The following EFR3B variants were observed in gnomAD, a reference collection of about 807,000 sequenced individuals.
The protein encoded by EFR3B is protein EFR3 homolog B.
In EFR3B, 64 loss-of-function variants were observed where a neutral mutation model predicts 104.7. The observed-to-expected ratio is 0.61, with a 90% confidence interval of 0.50 to 0.75. The LOEUF (loss-of-function observed/expected upper bound fraction) is 0.75. Ranked by LOEUF, EFR3B falls within the 30% of genes least tolerant of loss-of-function variation. EFR3B has a pLI of 0.00. For synonymous variants in EFR3B, 385 were observed against 417.9 expected, an observed-to-expected ratio of 0.92 and a Z score of 0.96; for missense variants, 750 against 1,078.5, an observed-to-expected ratio of 0.70 and a Z score of 4.27.
rs1670435581 is a variant in EFR3B at position 25,133,396 on chromosome 2, C to T, written c.1273C>T (p.Arg425Cys). The T allele has an allele frequency of 1.3e-6, 2 of 1,552,320 alleles. No individual in the cohort carries two copies. The highest frequency in any genetic ancestry group is 1.7e-6 in the Non-Finnish European group (2 of 1,147,132). Reference protein sequence around the residue: ...DTGRTGENRNRLTQIMLLKSL... With the variant: ...DTGRTGENRNCLTQIMLLKSL... ...TCTGGTCTACAGGGAGAATAGGAACCGTCTGACCCAGATTATGCTGCTAAA... is the reference window on the plus strand; with the variant it reads ...TCTGGTCTACAGGGAGAATAGGAACTGTCTGACCCAGATTATGCTGCTAAA... Residue 425 changes from arginine (R) to cysteine (C), a missense_variant, in exon 12 of 23, where the codon CGT becomes TGT. Transcript: ENST00000403714.
In EFR3B at chr2:25,139,302, G is replaced by A; in HGVS notation, c.1854+112G>A. ...ACCTACACTTAGGCAGTGAAGACAG[G>A]GTTGAAGTAAGAACCACTAATGGTG... is the stretch of plus-strand genomic sequence containing the variant. On this transcript the variant is annotated intron_variant, in intron 16 of 22. Coordinates refer to ENST00000403714, the MANE Select transcript of EFR3B (RefSeq NM_014971.2). The A allele has an allele frequency of 3.8e-6, 5 of 1,314,792 alleles. No homozygotes were observed. In the South Asian group the frequency reaches 7.9e-5, roughly 21 times the overall value. 81.4% of individuals were successfully genotyped at this position (1,314,792 alleles called of 1,614,324 possible). A position where few individuals can be genotyped will look rare whatever the true frequency, so the allele number is the denominator to read the frequency against.
intron 5 of EFR3B, among the ~76,000 whole-genome samples, chr2:25,125,080 T>G (rs1182952378): frequency 6.6e-6 from 1 of 152,052 alleles, no homozygotes; most frequent in Non-Finnish European, 1.5e-5. Flanking sequence ...AATAAATGAA[T>G]AGGAAGAGTA....
chr2:25,094,784 C>T (rs2438679), intron 3 of EFR3B, among the ~76,000 whole-genome samples: 76,263 of 151,120 alleles, frequency 0.5, 19,765 homozygotes, highest in East Asian at 0.79. Flanking sequence ...TTATTATTTA[C>T]TTATTTATTA....
chr2:25,091,341 T>C lies in EFR3B; in HGVS notation c.24T>C (p.Cys8=), dbSNP rs536328875. Residue 8 remains cysteine (C), a synonymous_variant, in exon 2 of 23, where the codon TGT becomes TGC. Transcript: ENST00000403714. ...TTATTCCAGGTGTGTGTGGCTGCTG[T>C]GGTGCCCTACGCCCCAGGTACAAAA... is the stretch of plus-strand genomic sequence containing the variant. MYGVCGC[C]GALRPRYKRL... 1.3e-6 allele frequency: 2 copies of C among 1,550,370 alleles called. No homozygotes were observed. The highest frequency in any genetic ancestry group is 1.2e-5 in the South Asian group (1 of 83,936).
chr2:25,117,015 C>T (rs903623978), intron 4 of EFR3B, among the ~76,000 whole-genome samples: 1 of 152,166 alleles, frequency 6.6e-6, no homozygotes, highest in Non-Finnish European at 1.5e-5. Context: ...AGCAGCTGCA[C>T]TGGCTGTGTG....
intron 1 of EFR3B, among the ~76,000 whole-genome samples, chr2:25,087,030 T>C (rs1668970260): frequency 6.6e-6 from 1 of 152,240 alleles, no homozygotes; most frequent in Admixed American, 6.5e-5. Context: ...CAGTTCAGCA[T>C]GGCTGGGGAG....
At chr2:25,110,542 G>C (rs910615064) in intron 4 of EFR3B, among the ~76,000 whole-genome samples, 1 of 152,008 alleles carries the variant, frequency 6.6e-6, no homozygotes, top group Admixed American at 6.6e-5. Context: ...CTCTCCAAAG[G>C]GTTCCCAGCC....
intron 6 of EFR3B, among the ~76,000 whole-genome samples, 170 bp downstream of exon 6, chr2:25,128,502 C>A (rs1299361623): frequency 6.6e-6 from 1 of 152,180 alleles, no homozygotes; most frequent in Non-Finnish European, 1.5e-5. Flanking sequence ...AGCCATGGGT[C>A]TGACTTTGTG....
intron 3 of EFR3B, among the ~76,000 whole-genome samples, chr2:25,096,218 G>A (rs558972741): frequency 3.8e-4 from 58 of 152,296 alleles, no homozygotes; most frequent in Non-Finnish European, 6.9e-4. Flanking sequence ...GTTTCACCAT[G>A]TTGGTTAGGC....
At chr2:25,135,943 G>T (rs1313475389) in intron 13 of EFR3B, among the ~76,000 whole-genome samples, 1 of 152,152 alleles carries the variant, frequency 6.6e-6, no homozygotes, top group Non-Finnish European at 1.5e-5. Context: ...GTGTGAGAAG[G>T]AAGGGGATGC....
At chr2:25,044,163 A>G (rs1377656678) in intron 1 of EFR3B, among the ~76,000 whole-genome samples, 2 of 152,246 alleles carry the variant, frequency 1.3e-5, no homozygotes, top group Non-Finnish European at 2.9e-5. Context: ...ATTTACCCTG[A>G]ATGATTCATA....
rs564821212 is a variant in EFR3B at position 25,058,773 on chromosome 2, C to T, written c.7+16454C>T. Among the ~76,000 whole-genome samples, 10 of 138,534 alleles carry T rather than the reference C, an allele frequency of 7.2e-5. 1 individual carries two copies. In the South Asian group the frequency reaches 2.6e-3, roughly 36 times the overall value. The allele number at this position is 138,534 out of a possible 152,430, so 90.9% of individuals were successfully genotyped here. Reference sequence around the variant, plus strand: ...GACTCTGTCTCCCCGCGCCCCCCCCCCCAAAAAAAAAAACAATAACCAAGT... The same window carrying T: ...GACTCTGTCTCCCCGCGCCCCCCCCTCCAAAAAAAAAAACAATAACCAAGT... On this transcript the variant is annotated intron_variant, in intron 1 of 22. Coordinates refer to ENST00000403714, the MANE Select transcript of EFR3B (RefSeq NM_014971.2).
At chr2:25,051,659 A>C in intron 1 of EFR3B, among the ~76,000 whole-genome samples, 1 of 137,594 alleles carries the variant, frequency 7.3e-6, no homozygotes. Context: ...TTTTTCAGAC[A>C]CAGCCTTGCT....
chr2:25,143,022 C>T (rs1166395866), intron 17 of EFR3B, among the ~76,000 whole-genome samples: 5 of 146,726 alleles, frequency 3.4e-5, no homozygotes, highest in South Asian at 2.2e-4. Context: ...CCGAGGCGGG[C>T]GGGTCACGAG....
At chr2:25,133,459 T>C (rs1670438312) in intron 12 of EFR3B, 25 bp downstream of exon 12, 1 of 1,552,136 alleles carries the variant, frequency 6.4e-7, no homozygotes, top group East Asian at 2.4e-5. Context: ...TCCCCATTCC[T>C]GCTCTTCCTC....
In EFR3B at chr2:25,136,568, C is replaced by T; in HGVS notation, c.1530C>T (p.Cys510=). ...TCCTGAAGCTGAAAGTGGACAAGTG[C>T]TCTCGACAGGACACCGTCTTCATGA... ...ISVLKLKVDK[C]SRQDTVFMKK... The change falls in exon 14 of 23, where the codon TGC becomes TGT. Residue 510 remains cysteine (C), a synonymous_variant. Transcript: ENST00000403714. The surrounding 1 kb of genome is among the most constrained non-coding windows in gnomAD (Gnocchi z 4.0). 5 of 1,551,458 alleles carry T rather than the reference C, an allele frequency of 3.2e-6. No individual in the cohort carries two copies. Among genetic ancestry groups the T allele is most frequent in the Non-Finnish European group, 4.4e-6 (5 of 1,146,892 alleles).
At chr2:25,068,443 G>C (rs866019605) in intron 1 of EFR3B, among the ~76,000 whole-genome samples, 3 of 152,078 alleles carry the variant, frequency 2.0e-5, no homozygotes, top group Non-Finnish European at 2.9e-5. Context: ...GATCGGGAAG[G>C]CTCCACGCCT....
intron 1 of EFR3B, among the ~76,000 whole-genome samples, chr2:25,072,349 C>T (rs1015034401): frequency 2.6e-5 from 4 of 151,738 alleles, no homozygotes; most frequent in Non-Finnish European, 5.9e-5. Context: ...GGTGTGATCT[C>T]GGCTCACTGC....
chr2:25,137,292 C>T lies in EFR3B; in HGVS notation c.1561-49C>T, dbSNP rs957724545. 3.9e-6 allele frequency: 6 copies of T among 1,546,550 alleles called. No homozygotes were observed. The East Asian group carries it at 7.3e-5, about 19-fold the overall frequency. On this transcript the variant is annotated intron_variant, in intron 14 of 22. Transcript: ENST00000403714. This position sits in a 1 kb window ranked among gnomAD's most constrained non-coding sequence, Gnocchi z 4.7. ...CTTCCTCCGTGTTCTCCTTGCCCCT[C>T]CTGTCCCCATCCCTCCGACCCTGGC...
Sources: gnomAD v4.1 joint callset for allele counts (sites outside exome capture counted in the v4.1 genomes callset) on GRCh38, gnomAD v4.1.1 for gene constraint, Gnocchi (gnomAD v3.1) non-coding constraint, MANE v1.5 for transcripts, NCBI Gene and HGNC (gene_info 2026-07-23, HGNC 2026-07-21) for gene names.